RALGPS2: variants seen among roughly 807,000 people sequenced by gnomAD.
The protein encoded by RALGPS2 is ras-specific guanine nucleotide-releasing factor RalGPS2.
In RALGPS2, 43 loss-of-function variants were observed where a neutral mutation model predicts 86.8. The observed-to-expected ratio is 0.50, with a 90% CI of 0.39 to 0.64. The LOEUF is 0.64. Among genes scored for constraint, RALGPS2 ranks in the 30% least tolerant of loss-of-function variants. The probability of loss-of-function intolerance (pLI) is 0.00; values close to 1 mark genes in which losing one functional copy is unlikely to be tolerated. For synonymous variants in RALGPS2, 243 were observed against 231.3 expected, an observed-to-expected ratio of 1.05 and a Z score of -0.46; for missense variants, 536 against 694.6, an observed-to-expected ratio of 0.77 and a Z score of 2.57.
chr1:178,881,967 C>G (rs1454399154), intron 10 of RALGPS2, among the ~76,000 whole-genome samples: 1 of 152,098 alleles, frequency 6.6e-6, no homozygotes, highest in Non-Finnish European at 1.5e-5. Flanking sequence ...ACATAGGCAG[C>G]CAGTATAGAT....
chr1:178,884,982 A>G, intron 11 of RALGPS2, 94 bp from the exon 12 acceptor site: 1 of 1,250,746 alleles, frequency 8.0e-7, no homozygotes, highest in Non-Finnish European at 1.1e-6. Context: ...TAACATCAGT[A>G]CTATCTCAAA....
chr1:178,892,307 G>C lies in RALGPS2; in HGVS notation c.1325G>C (p.Ser442Thr), dbSNP rs747194398. The C allele has an allele frequency of 1.9e-5, 31 of 1,612,034 alleles. No individual in the cohort carries two copies. The South Asian group carries it at 3.3e-4, about 17-fold the overall frequency. ...TATCGAAGTCACATGAAGGCCAGCAGGTACAATTCCCCTGCATTCAGGGGT... is the reference window on the plus strand; with the variant it reads ...TATCGAAGTCACATGAAGGCCAGCACGTACAATTCCCCTGCATTCAGGGGT... ...NGYRSHMKAS[S>T]SAESEDLAVH... The change falls in exon 15 of 20, where the codon AGT (serine) becomes ACT (threonine). Residue 442 changes from serine (S) to threonine (T), a missense_variant and splice_region_variant. Transcript: ENST00000367635.
At chr1:178,904,722 C>G (rs1343375476) in intron 18 of RALGPS2, among the ~76,000 whole-genome samples, 1 of 152,208 alleles carries the variant, frequency 6.6e-6, no homozygotes, top group Non-Finnish European at 1.5e-5. Flanking sequence ...ATTTTCATAG[C>G]AGTACCATGC....
intron 18 of RALGPS2, among the ~76,000 whole-genome samples, chr1:178,905,716 G>A (rs758685703): frequency 3.9e-5 from 6 of 152,194 alleles, no homozygotes; most frequent in Non-Finnish European, 7.3e-5. Context: ...ATTTAGAGCA[G>A]CCTATAGTAC....
At chr1:178,829,038 G>T (rs1655892666) in intron 7 of RALGPS2, among the ~76,000 whole-genome samples, 1 of 152,164 alleles carries the variant, frequency 6.6e-6, no homozygotes, top group African/African-American at 2.4e-5. Context: ...ATCAGCAGAT[G>T]AATGGATAAA....
At chr1:178,806,732 C>CT (rs1294576083) in intron 4 of RALGPS2, among the ~76,000 whole-genome samples, 6 of 151,938 alleles carry the variant, frequency 3.9e-5, no homozygotes, top group Non-Finnish European at 8.8e-5. Context: ...GTTTTGGCTT[C>CT]TTTTTTTCTC....
chr1:178,820,403 A>G (rs1388916546), intron 6 of RALGPS2, among the ~76,000 whole-genome samples: 1 of 152,154 alleles, frequency 6.6e-6, no homozygotes, highest in Non-Finnish European at 1.5e-5. Context: ...TTCTGGTTTC[A>G]TCTTCTGGTA....
intron 3 of RALGPS2, 129 bp from the exon 4 acceptor site, chr1:178,785,428 G>T: frequency 4.4e-6 from 4 of 898,930 alleles, no homozygotes; most frequent in Non-Finnish European, 6.1e-6. Flanking sequence ...GCTAAATTTT[G>T]TTTTCCATAA....
chr1:178,816,033 T>A (rs1189633884), intron 6 of RALGPS2, among the ~76,000 whole-genome samples: 2 of 152,348 alleles, frequency 1.3e-5, no homozygotes, highest in East Asian at 3.8e-4. Flanking sequence ...ATAAAACTGT[T>A]ATGAACATTT....
chr1:178,745,822 CTTTT>C (rs34277622), intron 1 of RALGPS2, among the ~76,000 whole-genome samples: 7 of 86,052 alleles, frequency 8.1e-5, no homozygotes, highest in Non-Finnish European at 1.4e-4. Context: ...TTCAATTCTT[CTTTT>C]TTTTTTTTTT....
chr1:178,741,532 G>T (rs1274663632), intron 1 of RALGPS2, among the ~76,000 whole-genome samples: 1 of 152,062 alleles, frequency 6.6e-6, no homozygotes, highest in East Asian at 1.9e-4. Flanking sequence ...TATACCTCAG[G>T]TCTAGAAACA....
chr1:178,854,483 A>G lies in RALGPS2; in HGVS notation c.607+20933A>G, dbSNP rs561937793. ...AAATAAACCAGATGCCCAAACTCAT[A>G]GAATCTTAAATTTCCCCCAACAACA... On this transcript the variant is annotated intron_variant, in intron 8 of 19. Coordinates refer to ENST00000367635, the MANE Select transcript of RALGPS2 (RefSeq NM_152663.5). Among the ~76,000 whole-genome samples, 27 of 152,322 alleles carry G rather than the reference A, an allele frequency of 1.8e-4. No homozygotes were observed. In the South Asian group the frequency reaches 5.4e-3, roughly 30 times the overall value.
chr1:178,761,858 A>G (rs984662021), intron 1 of RALGPS2, among the ~76,000 whole-genome samples: 2 of 151,968 alleles, frequency 1.3e-5, no homozygotes, highest in African/African-American at 4.8e-5. Context: ...AGAAGCTCTG[A>G]TTGATTTTTA....
rs1451597583 is a variant in RALGPS2 at position 178,883,487 on chromosome 1, A to C, written c.858A>C (p.Pro286=). The C allele has an allele frequency of 1.2e-6, 2 of 1,613,152 alleles. No homozygotes were observed. The highest frequency in any genetic ancestry group is 1.7e-6 in the Non-Finnish European group (2 of 1,179,106). Residue 286 remains proline, a synonymous_variant, in exon 11 of 20, where the codon CCA becomes CCC. Transcript: ENST00000367635. ...DNYKLSLKIE[P]GTSTPRSAAS... ...TCAGGCTTTCATTAAAGATAGAACC[A>C]GGGACAAGCACCCCACGTTCTGCTG...
At chr1:178,860,192 T>C (rs1037013148) in intron 8 of RALGPS2, among the ~76,000 whole-genome samples, 1 of 151,856 alleles carries the variant, frequency 6.6e-6, no homozygotes, top group Non-Finnish European at 1.5e-5. Flanking sequence ...TAATTTTTTT[T>C]AATAAAAGAC....
At chr1:178,806,277 G>A (rs1389309334) in intron 4 of RALGPS2, among the ~76,000 whole-genome samples, 1 of 152,118 alleles carries the variant, frequency 6.6e-6, no homozygotes, top group Non-Finnish European at 1.5e-5. Context: ...ATTGATATTT[G>A]TGTTGGATAT....
chr1:178,803,672 G>T (rs1197167309), intron 4 of RALGPS2, among the ~76,000 whole-genome samples: 2 of 151,006 alleles, frequency 1.3e-5, no homozygotes, highest in Non-Finnish European at 3.0e-5. Context: ...TTTTATTTTT[G>T]CTATAGAATT....
At chr1:178,731,053 C>T (rs1650318231) in intron 1 of RALGPS2, among the ~76,000 whole-genome samples, 1 of 152,038 alleles carries the variant, frequency 6.6e-6, no homozygotes, top group African/African-American at 2.4e-5. Flanking sequence ...ATATCCTCCG[C>T]TTTCTTGATT....
chr1:178,856,727 C>T (rs1657613731), intron 8 of RALGPS2, among the ~76,000 whole-genome samples: 1 of 151,978 alleles, frequency 6.6e-6, no homozygotes, highest in Non-Finnish European at 1.5e-5. Flanking sequence ...ATAATTGTAG[C>T]TTATTTAATA....
Sources: gnomAD v4.1 joint callset for allele counts (sites outside exome capture counted in the v4.1 genomes callset) on GRCh38, gnomAD v4.1.1 for gene constraint, MANE v1.5 for transcripts, NCBI Gene and HGNC (gene_info 2026-07-23, HGNC 2026-07-21) for gene names.